FAT3: variants seen among roughly 807,000 people sequenced by gnomAD.
The protein encoded by FAT3 is FAT atypical cadherin 3.
FAT3 carries 95 observed loss-of-function variants against 310.2 expected under a neutral mutation model. That is an observed-to-expected ratio of 0.31 (90% CI 0.26 to 0.36). FAT3 has a LOEUF of 0.36. Ranked by LOEUF, FAT3 falls within the 10% of genes least tolerant of loss-of-function variation. The pLI, the probability that FAT3 is intolerant of heterozygous loss-of-function variation, is 1.00. For synonymous variants in FAT3, 2,314 were observed against 2,192.9 expected (o/e 1.06, Z -1.54); for missense variants, 5,408 against 5,715.6 (o/e 0.95, Z 1.74).
chr11:92,428,163 G>A (rs534355773), intron 2 of FAT3, among the ~76,000 whole-genome samples: 3 of 152,140 alleles, frequency 2.0e-5, no homozygotes, highest in East Asian at 3.9e-4. Flanking sequence ...TATTTGCCTA[G>A]AAGTGTTTAT....
In FAT3 at chr11:92,803,229, A is replaced by G. The variant is rs139673320; in HGVS notation, c.8896+1320A>G. ...TTTATAGATAGCCTCTGAATTGTCA[A>G]TGGATGATTTAAAGGGACTATCCCA... On this transcript the variant is annotated intron_variant, in intron 10 of 27. Coordinates refer to ENST00000525166, the MANE Select transcript of FAT3 (RefSeq NM_001367949.2). Among the ~76,000 whole-genome samples, 544 of 152,302 alleles carry G rather than the reference A, an allele frequency of 3.6e-3. 9 individuals are homozygous for G. Among genetic ancestry groups the G allele is most frequent in the Middle Eastern group, 0.024 (7 of 294 alleles).
At chr11:92,318,970 C>A (rs149850082) in intron 1 of FAT3, among the ~76,000 whole-genome samples, 56 of 152,280 alleles carry the variant, frequency 3.7e-4, no homozygotes, top group African/African-American at 1.3e-3. Context: ...ATTTATGGAG[C>A]ATATTCTATG....
At chr11:92,634,387 A>G (rs1183977531) in intron 3 of FAT3, among the ~76,000 whole-genome samples, 6 of 152,124 alleles carry the variant, frequency 3.9e-5, no homozygotes, top group East Asian at 1.9e-4. Flanking sequence ...GCTTCATCCT[A>G]TTTTCTCCTG....
chr11:92,352,972 T>C lies in FAT3; in HGVS notation c.860T>C (p.Val287Ala), dbSNP rs373930205. ...GAGCCAACATATGCAGTGGTGACAG[T>C]TGATGACTTAGATGATGGAGCGAAT... Reference protein sequence around the residue: ...EKEPTYAVVTVDDLDDGANGE... With the variant: ...EKEPTYAVVTADDLDDGANGE... The change falls in exon 2 of 28, where the codon GTT becomes GCT. Residue 287 changes from valine (V) to alanine (A), a missense_variant. This residue lies in a region of FAT3 where 4,588 missense variants were observed against 4,809.8 expected (regional missense o/e 0.95). Transcript: ENST00000525166. 1.1e-5 allele frequency: 18 copies of C among 1,613,742 alleles called. No individual in the cohort carries two copies. The highest frequency in any genetic ancestry group is 5.0e-5 in the Admixed American group (3 of 59,930).
intron 2 of FAT3, among the ~76,000 whole-genome samples, chr11:92,414,798 C>A (rs1348098099): frequency 6.6e-6 from 1 of 152,048 alleles, no homozygotes; most frequent in African/African-American, 2.4e-5. Flanking sequence ...ATCACGAGGT[C>A]GGGAGATCGG....
At chr11:92,512,601 T>C (rs1414354735) in intron 2 of FAT3, among the ~76,000 whole-genome samples, 1 of 146,012 alleles carries the variant, frequency 6.8e-6, no homozygotes, top group African/African-American at 2.5e-5. Context: ...TAAATATGTT[T>C]TAATGTATAA....
chr11:92,237,739 TACTC>T (rs1333947551), intron 1 of FAT3, among the ~76,000 whole-genome samples: 142 of 152,234 alleles, frequency 9.3e-4, no homozygotes, highest in African/African-American at 3.3e-3. Context: ...TTCCAAAAAA[TACTC>T]AGTGAATACT....
intron 4 of FAT3, among the ~76,000 whole-genome samples, chr11:92,708,095 G>T (rs1038646591): frequency 1.3e-5 from 2 of 152,178 alleles, no homozygotes; most frequent in African/African-American, 4.8e-5. Context: ...CAAGAGAGTT[G>T]TCAGCGTAAG....
chr11:92,625,741 T>A (rs1157346834), intron 3 of FAT3, among the ~76,000 whole-genome samples: 3 of 32,194 alleles, frequency 9.3e-5, no homozygotes, highest in African/African-American at 8.9e-4. Flanking sequence ...TCCTTCAACT[T>A]TTTTTTTTTT....
At chr11:92,697,337 T>A (rs1256031342) in intron 3 of FAT3, 47 bp from the exon 4 acceptor site, 3 of 1,570,870 alleles carry the variant, frequency 1.9e-6, no homozygotes, top group African/African-American at 2.7e-5. Flanking sequence ...CTCAGTAAGC[T>A]GTTTGCCCCA....
At chr11:92,395,091 A>G (rs1300925866) in intron 2 of FAT3, among the ~76,000 whole-genome samples, 4 of 152,122 alleles carry the variant, frequency 2.6e-5, no homozygotes, top group African/African-American at 7.2e-5. Flanking sequence ...TAAAATAACC[A>G]TTTTCCTGCT....
intron 3 of FAT3, among the ~76,000 whole-genome samples, chr11:92,538,902 T>C (rs1010135805): frequency 1.3e-5 from 2 of 152,134 alleles, no homozygotes; most frequent in African/African-American, 4.8e-5. Flanking sequence ...AGTGAGGAGA[T>C]GTAAAATAAA....
intron 22 of FAT3, among the ~76,000 whole-genome samples, chr11:92,878,425 T>C (rs1207565793): frequency 2.6e-5 from 4 of 151,804 alleles, no homozygotes; most frequent in African/African-American, 9.7e-5. Context: ...CTGCAACATC[T>C]AGACTAGTGT....
intron 3 of FAT3, among the ~76,000 whole-genome samples, chr11:92,621,272 T>C (rs1456874164): frequency 6.6e-6 from 1 of 152,092 alleles, no homozygotes; most frequent in African/African-American, 2.4e-5. Flanking sequence ...GAATCAAGAG[T>C]ATCCAAACAG....
At chr11:92,778,281 T>C (rs1946645380) in intron 7 of FAT3, among the ~76,000 whole-genome samples, 1 of 152,178 alleles carries the variant, frequency 6.6e-6, no homozygotes, top group Non-Finnish European at 1.5e-5. Flanking sequence ...GTGCTTGCCA[T>C]GTCCCAAGAA....
At chr11:92,485,339 A>G (rs1952347608) in intron 2 of FAT3, among the ~76,000 whole-genome samples, 2 of 152,216 alleles carry the variant, frequency 1.3e-5, no homozygotes, top group African/African-American at 4.8e-5. Context: ...GCTTATTGAC[A>G]GATTTCATTT....
At chr11:92,256,940 C>G (rs1865341440) in intron 1 of FAT3, among the ~76,000 whole-genome samples, 1 of 152,074 alleles carries the variant, frequency 6.6e-6, no homozygotes, top group Non-Finnish European at 1.5e-5. Flanking sequence ...TGTTGGGAAG[C>G]TTGGATTCCT....
chr11:92,444,148 T>G (rs936866469), intron 2 of FAT3, among the ~76,000 whole-genome samples: 1 of 152,192 alleles, frequency 6.6e-6, no homozygotes, highest in Admixed American at 6.6e-5. Context: ...AATGAGAGTA[T>G]CTTCTCTATA....
At chr11:92,791,073 A>G (rs754078214) in intron 8 of FAT3, among the ~76,000 whole-genome samples, 3 of 152,200 alleles carry the variant, frequency 2.0e-5, no homozygotes, top group Non-Finnish European at 2.9e-5. Flanking sequence ...CTTTCCTTTC[A>G]TAAGACTAGA....
Sources: gnomAD v4.1 joint callset for allele counts (sites outside exome capture counted in the v4.1 genomes callset) on GRCh38, gnomAD v4.1.1 for gene constraint, gnomAD v4.1.1 regional missense constraint, MANE v1.5 for transcripts, NCBI Gene and HGNC (gene_info 2026-07-23, HGNC 2026-07-21) for gene names.